Variants in CRB1 observed in about 807,000 individuals in gnomAD.
CRB1 encodes the protein crumbs cell polarity complex component 1.
A neutral mutation model predicts 120.0 loss-of-function variants in CRB1; 83 were observed. That is an observed-to-expected ratio of 0.69 (90% confidence interval 0.58 to 0.83). CRB1 has a LOEUF of 0.83. CRB1 is among the 40% of genes least tolerant of loss of function. The pLI is 0.00. For missense variants in CRB1, 1,699 were observed against 1,687.6 expected (o/e 1.01, Z -0.12); for synonymous variants, 625 against 612.5 (o/e 1.02, Z -0.30).
At chr1:197,299,793 A>G (rs1656761049) in intron 1 of CRB1, among the ~76,000 whole-genome samples, 1 of 152,014 alleles carries the variant, frequency 6.6e-6, no homozygotes, top group African/African-American at 2.4e-5. Flanking sequence ...GCCTCATTTT[A>G]TTGTACTTCA....
chr1:197,457,733 A>T lies in CRB1; in HGVS notation c.4005+15441A>T, dbSNP rs1400119424. ...AGATATTTGATCCAGCTCTTAAAGA[A>T]TAAGCAAGCATTATCTCAGAAGAAC... On this transcript the variant is annotated intron_variant, in intron 11 of 11. Transcript: ENST00000367400. Among the ~76,000 whole-genome samples the T allele has an allele frequency of 2.6e-5, 4 of 152,322 alleles. No individual in the cohort carries two copies. The East Asian group carries it at 5.8e-4, about 22-fold the overall frequency.
chr1:197,434,079 C>T (rs1047808085), intron 8 of CRB1, among the ~76,000 whole-genome samples: 6 of 152,096 alleles, frequency 3.9e-5, no homozygotes, highest in Non-Finnish European at 8.8e-5. Context: ...TCACATATAG[C>T]ATGAGAGCAA....
chr1:197,236,316 C>G, the CRB1 span, among the ~76,000 whole-genome samples: 2 of 151,960 alleles, frequency 1.3e-5, no homozygotes, highest in East Asian at 3.9e-4. Flanking sequence ...TCTCCCGCCT[C>G]AGCCTCCCAA....
At chr1:197,427,394 TC>T (rs1432498536) in intron 6 of CRB1, 59 bp from the exon 7 acceptor site, 2 of 1,515,356 alleles carry the variant, frequency 1.3e-6, no homozygotes, top group African/African-American at 2.7e-5. Flanking sequence ...ATCCCTTCTG[TC>T]TTTTGAGCCT....
chr1:197,365,537 A>G (rs998758592), intron 5 of CRB1, among the ~76,000 whole-genome samples: 2 of 151,340 alleles, frequency 1.3e-5, no homozygotes, highest in African/African-American at 4.9e-5. Context: ...AGAGGAGGTA[A>G]GCTCTTTCTC....
the CRB1 span, among the ~76,000 whole-genome samples, chr1:197,220,948 A>G: frequency 6.6e-5 from 10 of 152,258 alleles, no homozygotes; most frequent in Admixed American, 3.9e-4. Context: ...TCTTTTCTTC[A>G]TAAATTACCC....
intron 1 of CRB1, among the ~76,000 whole-genome samples, chr1:197,317,980 A>G (rs1196925213): frequency 6.6e-6 from 1 of 152,166 alleles, no homozygotes; most frequent in East Asian, 1.9e-4. Flanking sequence ...CTGAGCAACA[A>G]AAACAAATAT....
chr1:197,212,382 C>T, the CRB1 span, among the ~76,000 whole-genome samples: 4 of 152,052 alleles, frequency 2.6e-5, no homozygotes, highest in East Asian at 1.9e-4. Flanking sequence ...CTCCAAAAAC[C>T]GATAAATGGA....
rs78267329 is a variant in CRB1 at position 197,392,850 on chromosome 1, T to C, written c.1172-28150T>C. On this transcript the variant is annotated intron_variant, in intron 5 of 11. Coordinates refer to ENST00000367400, the MANE Select transcript of CRB1 (RefSeq NM_201253.3). ...ATTATTTGAAATGAGAAAGTGTAAC[T>C]GAAGAGTTGGGAATTTCATTTTCTG... Among the ~76,000 whole-genome samples, 108 of 152,198 alleles carry C rather than the reference T, an allele frequency of 7.1e-4. No individual in the cohort carries two copies. The East Asian group carries it at 0.02, about 28-fold the overall frequency.
intron 1 of CRB1, among the ~76,000 whole-genome samples, chr1:197,293,757 C>T (rs1467716945): frequency 2.0e-5 from 3 of 151,972 alleles, no homozygotes; most frequent in African/African-American, 7.3e-5. Flanking sequence ...GAAATAATAC[C>T]ACACATCTAC....
chr1:197,275,241 G>C (rs1391126000), intron 1 of CRB1, among the ~76,000 whole-genome samples: 1 of 151,924 alleles, frequency 6.6e-6, no homozygotes, highest in African/African-American at 2.4e-5. Flanking sequence ...TACAAATAAG[G>C]GCACATTCAC....
At chr1:197,220,626 G>A in the CRB1 span, among the ~76,000 whole-genome samples, 1 of 152,198 alleles carries the variant, frequency 6.6e-6, no homozygotes, top group South Asian at 2.1e-4. Flanking sequence ...TGGTAACACA[G>A]GAAGAAAAAT....
Position 197,370,791 on chromosome 1 carries a change from G to A in CRB1, c.1171+13778G>A, listed in dbSNP as rs142755751. On this transcript the variant is annotated intron_variant, in intron 5 of 11. Coordinates refer to ENST00000367400, the MANE Select transcript of CRB1 (RefSeq NM_201253.3). ...GGTTGCAACATTCTTCCTACCTCAC[G>A]GTACCTTCTCCTCAGTCACTGATTA... is the stretch of plus-strand genomic sequence containing the variant. Among the ~76,000 whole-genome samples, 15 of 152,068 alleles carry A rather than the reference G, an allele frequency of 9.9e-5. No homozygotes were observed. In the East Asian group the frequency reaches 2.7e-3, roughly 27 times the overall value.
At chr1:197,254,735 A>C in the CRB1 span, among the ~76,000 whole-genome samples, 1 of 152,274 alleles carries the variant, frequency 6.6e-6, no homozygotes, top group East Asian at 1.9e-4. Context: ...CTTTGAATAA[A>C]GTAAGTTTAT....
Position 197,355,659 on chromosome 1 carries a change from G to A in CRB1, c.989-1172G>A, listed in dbSNP as rs563265593. 2.0e-4 allele frequency among the ~76,000 whole-genome samples: 31 copies of A among 152,078 alleles called. No individual in the cohort carries two copies. In the South Asian group the frequency reaches 5.4e-3, roughly 27 times the overall value. ...CCCGGGTGCTAAGCCCCTCAATGCC[G>A]TGGGCAGCGGCGCCCACCGGCCGCT... is the stretch of plus-strand genomic sequence containing the variant. On this transcript the variant is annotated intron_variant, in intron 4 of 11. Transcript: ENST00000367400.
rs559474558 is a variant in CRB1 at position 197,337,406 on chromosome 1, C to A, written c.653-6875C>A. On this transcript the variant is annotated intron_variant, in intron 2 of 11. Transcript: ENST00000367400. ...GGAAGTAGAAGACAGGGATTCCAGG[C>A]TCAGCCTAGATGTTCTCTAGTGGTT... Among the ~76,000 whole-genome samples the A allele has an allele frequency of 1.2e-4, 18 of 152,264 alleles. No individual in the cohort carries two copies. In the East Asian group the frequency reaches 3.3e-3, roughly 28 times the overall value.
At chr1:197,263,183 AGCATCT>A in the CRB1 span, among the ~76,000 whole-genome samples, 121 of 152,238 alleles carry the variant, frequency 7.9e-4, no homozygotes, top group Non-Finnish European at 1.5e-3. Context: ...TAGCCTCACC[AGCATCT>A]GTTGTTTTTT....
At chr1:197,351,187 CAAAAAAAA>C (rs780090689) in intron 4 of CRB1, among the ~76,000 whole-genome samples, 20 of 85,374 alleles carry the variant, frequency 2.3e-4, no homozygotes, top group South Asian at 4.7e-4. Context: ...ACTAAAAATA[CAAAAAAAA>C]AAAAAAAAAA....
chr1:197,211,982 G>A, the CRB1 span, among the ~76,000 whole-genome samples: 1 of 152,020 alleles, frequency 6.6e-6, no homozygotes, highest in Non-Finnish European at 1.5e-5. Flanking sequence ...AAATATTTAA[G>A]TAGATACTTC....
Sources: allele counts gnomAD v4.1 joint callset (sites outside exome capture counted in the v4.1 genomes callset), GRCh38; gene constraint gnomAD v4.1.1; transcripts MANE v1.5; gene names NCBI Gene and HGNC (gene_info 2026-07-23, HGNC 2026-07-21).